NRG4: variants seen among roughly 807,000 people sequenced by gnomAD.
The protein encoded by NRG4 is pro-neuregulin-4, membrane-bound isoform.
A neutral mutation model predicts 15.0 loss-of-function variants in NRG4; 10 were observed. The ratio of observed to expected loss-of-function variants is 0.67; its 90% CI spans 0.41 to 1.13. The LOEUF is 1.13. NRG4 is among the 50% of genes most tolerant of loss of function. NRG4 has a pLI of 0.00. For missense variants in NRG4, 139 were observed against 140.2 expected (o/e 0.99, Z 0.04); for synonymous variants, 41 against 50.1 (o/e 0.82, Z 0.77).
At chr15:75,946,051 A>G (rs912369208) in intron 5 of NRG4, among the ~76,000 whole-genome samples, 7 of 152,214 alleles carry the variant, frequency 4.6e-5, no homozygotes, top group African/African-American at 1.7e-4. Context: ...TGATACTGCA[A>G]CAGGAGCTCT....
intron 1 of NRG4, among the ~76,000 whole-genome samples, chr15:76,057,765 G>A (rs565993901): frequency 4.9e-4 from 75 of 151,572 alleles, no homozygotes; most frequent in Non-Finnish European, 9.9e-4. Context: ...TAAGACACAC[G>A]TAAACTTTAT....
Position 75,999,771 on chromosome 15 carries a change from T to C in NRG4, c.104+9429A>G, listed in dbSNP as rs1047048236. 4.6e-5 allele frequency among the ~76,000 whole-genome samples: 7 copies of C among 152,284 alleles called. No homozygotes were observed. The South Asian group carries it at 1.5e-3, about 32-fold the overall frequency. ...CAAATAGAGACTTGGCACAGTGGCT[T>C]ATACCTATAATCCCAGCACTTTGGG... On this transcript the variant is annotated intron_variant, in intron 3 of 5. Coordinates refer to ENST00000394907, the MANE Select transcript of NRG4 (RefSeq NM_138573.4).
chr15:76,052,489 T>C (rs886463052), intron 3 of NRG4, among the ~76,000 whole-genome samples: 1 of 151,150 alleles, frequency 6.6e-6, no homozygotes, highest in African/African-American at 2.5e-5. Context: ...CTTCATACTA[T>C]GCAAACAGGG....
chr15:76,045,439 A>G (rs1043253982), intron 4 of NRG4, among the ~76,000 whole-genome samples: 1 of 149,406 alleles, frequency 6.7e-6, no homozygotes, highest in East Asian at 2.0e-4. Flanking sequence ...CACCCAAAAG[A>G]AAGGAAGTCA....
rs16967710 is a variant in NRG4, at chr15:75,957,244, G to A, written c.252-1233C>T. ...TTCTTTCTTGCACTTCACACACGCC[G>A]TATAGGATCAACTTCCTTTTACCTG... is the stretch of plus-strand genomic sequence containing the variant. On this transcript the variant is annotated intron_variant, in intron 4 of 5. Transcript: ENST00000394907. Among the ~76,000 whole-genome samples, 559 of 152,186 alleles carry A rather than the reference G, an allele frequency of 3.7e-3. 19 individuals carry two copies. The East Asian group carries it at 0.092, about 25-fold the overall frequency.
chr15:76,013,876 T>G (rs191885220), upstream of NRG4, among the ~76,000 whole-genome samples: 99 of 152,326 alleles, frequency 6.5e-4, no homozygotes, highest in Non-Finnish European at 6.6e-4. Context: ...GATTGCTGGG[T>G]CAAATGGTAT....
intron 3 of NRG4, among the ~76,000 whole-genome samples, chr15:75,972,142 T>C (rs956907406): frequency 5.9e-5 from 9 of 152,358 alleles, no homozygotes; most frequent in East Asian, 1.9e-4. Flanking sequence ...TTTTTTCATA[T>C]GTTTGTTGGC....
chr15:76,009,410 A>AT (rs1414848057), intron 2 of NRG4, 117 bp from the exon 3 acceptor site: 10 of 534,368 alleles, frequency 1.9e-5, no homozygotes, highest in East Asian at 3.2e-5. Flanking sequence ...AGAATGAAGA[A>AT]TTTTTTTTCT....
intron 5 of NRG4, among the ~76,000 whole-genome samples, chr15:76,024,144 A>C (rs1298210887): frequency 6.6e-6 from 1 of 152,246 alleles, no homozygotes; most frequent in Non-Finnish European, 1.5e-5. Context: ...CAAGCTGCCA[A>C]CATGTAAGTC....
downstream of NRG4, chr15:75,936,009 G>A (rs1025828534): frequency 2.0e-5 from 3 of 152,086 alleles, no homozygotes; most frequent in Admixed American, 6.5e-5. Context: ...AGATGGTCTC[G>A]ATCTCCTGAC....
chr15:75,947,360 A>G (rs1390863977), intron 5 of NRG4, among the ~76,000 whole-genome samples: 1 of 152,194 alleles, frequency 6.6e-6, no homozygotes, highest in Non-Finnish European at 1.5e-5. Context: ...TAATAATCTA[A>G]GACTCCCAGA....
chr15:75,997,992 C>A (rs2034275969), intron 3 of NRG4, among the ~76,000 whole-genome samples: 1 of 152,162 alleles, frequency 6.6e-6, no homozygotes, highest in Admixed American at 6.5e-5. Flanking sequence ...CTAATTCTAC[C>A]CAGAAAAGCT....
intron 5 of NRG4, among the ~76,000 whole-genome samples, chr15:75,952,844 G>A (rs1417207330): frequency 1.3e-5 from 2 of 152,038 alleles, no homozygotes; most frequent in African/African-American, 4.8e-5. Flanking sequence ...TTTTTAAAAT[G>A]AGTTGTTTCT....
intron 5 of NRG4, among the ~76,000 whole-genome samples, chr15:75,944,114 A>G (rs757691988): frequency 2.0e-5 from 3 of 152,226 alleles, no homozygotes; most frequent in Non-Finnish European, 4.4e-5. Context: ...AATTGGGACT[A>G]TTTAGAGACA....
At chr15:76,006,393 T>C (rs534969238) in intron 3 of NRG4, among the ~76,000 whole-genome samples, 53 of 152,330 alleles carry the variant, frequency 3.5e-4, no homozygotes, top group African/African-American at 1.2e-3. Flanking sequence ...CCTAAGATAA[T>C]TGGAAAACAA....
chr15:75,946,518 T>C (rs4482249), intron 5 of NRG4, among the ~76,000 whole-genome samples: 6,003 of 152,170 alleles, frequency 0.039, 213 homozygotes, highest in African/African-American at 0.094. Flanking sequence ...CCACCACGCC[T>C]GGCTAATTTT....
chr15:76,028,221 T>C (rs1399357834), intron 5 of NRG4, among the ~76,000 whole-genome samples: 1 of 150,950 alleles, frequency 6.6e-6, no homozygotes, highest in Admixed American at 6.6e-5. Context: ...GAAATGAAAA[T>C]TGGTTATTTG....
At chr15:75,954,844 T>C (rs2032139958) in intron 5 of NRG4, among the ~76,000 whole-genome samples, 1 of 152,148 alleles carries the variant, frequency 6.6e-6, no homozygotes, top group South Asian at 2.1e-4. Context: ...TTTTCAGCAT[T>C]GTTGAGCTTT....
chr15:75,984,107 G>A (rs2033704454), intron 3 of NRG4, among the ~76,000 whole-genome samples: 1 of 152,174 alleles, frequency 6.6e-6, no homozygotes, highest in Non-Finnish European at 1.5e-5. Flanking sequence ...TGGTATGATA[G>A]TATAATGGTG....
Sources: gnomAD v4.1 joint callset for allele counts (sites outside exome capture counted in the v4.1 genomes callset) on GRCh38, gnomAD v4.1.1 for gene constraint, MANE v1.5 for transcripts, NCBI Gene and HGNC (gene_info 2026-07-23, HGNC 2026-07-21) for gene names.